The following PAF1 variants were observed in gnomAD, a reference collection of about 807,000 sequenced individuals.
The protein encoded by PAF1 is RNA polymerase II-associated factor 1 homolog.
A neutral mutation model predicts 68.4 loss-of-function variants in PAF1; 31 were observed. The observed-to-expected ratio is 0.45, with a 90% CI of 0.34 to 0.61. The LOEUF (loss-of-function observed/expected upper bound fraction) is 0.61, where lower values mean the gene tolerates loss of function less well. Among genes scored for constraint, PAF1 ranks in the 20% least tolerant of loss-of-function variants. The pLI is 0.01. For missense variants in PAF1, 435 were observed against 692.9 expected, an observed-to-expected ratio of 0.63 and a Z score of 4.18; for synonymous variants, 256 against 240.5, an observed-to-expected ratio of 1.06 and a Z score of -0.60.
In PAF1 at chr19:39,389,102, G is replaced by A. The variant is rs989398073; in HGVS notation, c.558C>T (p.Ala186=). The A allele has an allele frequency of 5.6e-6, 9 of 1,613,716 alleles. No individual in the cohort carries two copies. The highest frequency in any genetic ancestry group is 7.6e-6 in the Non-Finnish European group (9 of 1,179,714). The change falls in exon 7 of 14, where the codon GCC becomes GCT. Residue 186 remains alanine (A), a synonymous_variant. Transcript: ENST00000221265. This position sits in a 1 kb window ranked among gnomAD's most constrained non-coding sequence, Gnocchi z 5.3. The part of the protein sequence containing the change: ...ITAIEKTFED[A]QKSISQHYSK... ...CCAGTCCCTCAATTACTGATTTCTG[G>A]GCATCCTCAAAAGTCTTCTCAATGG...
chr19:39,386,405 T>C lies in PAF1; in HGVS notation c.1184-2A>G. ...TGCTGCCCTTCTCCTGCTCCTCATC[T>C]GGAAGGGAGTGGAGAGAGATGAAAC... On this transcript the variant is annotated splice_acceptor_variant, in intron 13 of 13. Transcript: ENST00000221265. LOFTEE classifies it high-confidence loss of function. The surrounding 1 kb of genome is among the most constrained non-coding windows in gnomAD (Gnocchi z 6.1). The C allele has an allele frequency of 6.2e-7, 1 of 1,614,130 alleles. No individual in the cohort carries two copies. Among genetic ancestry groups the C allele is most frequent in the Non-Finnish European group, 8.5e-7 (1 of 1,179,982 alleles).
At position 39,386,284 on chromosome 19, in the gene PAF1, C is replaced by T. The variant is rs1359681819; in HGVS notation, c.1303G>A (p.Gly435Ser). ...TCATCCTCGCTGCTCTCGTCCTCAC[C>T]ACTGCCACTCTTGTCACTGGCCTCG... Reference protein sequence around the residue: ...RDEASDKSGSGEDESSEDEAR... With the variant: ...RDEASDKSGSSEDESSEDEAR... Residue 435 changes from glycine to serine, a missense_variant, in exon 14 of 14, where the codon GGT (glycine) becomes AGT (serine). Gly to Ser is a moderately conservative substitution (Grantham distance 56). Transcript: ENST00000221265. This position sits in a 1 kb window ranked among gnomAD's most constrained non-coding sequence, Gnocchi z 6.1. The T allele has an allele frequency of 1.9e-6, 3 of 1,614,190 alleles. No homozygotes were observed. The highest frequency in any genetic ancestry group is 2.5e-6 in the Non-Finnish European group (3 of 1,180,032).
intron 11 of PAF1, among the ~76,000 whole-genome samples, chr19:39,387,545 T>C (rs1052496075): frequency 3.3e-5 from 5 of 152,194 alleles, no homozygotes; most frequent in Non-Finnish European, 7.3e-5. Context: ...CCACTGCTCT[T>C]TTACATTTCC....
In PAF1 at chr19:39,386,690, T is replaced by G; in HGVS notation, c.1092+4A>C. ...GGGTGCCCTGAGCCAGTGGTGCTTG[T>G]TACCTGAGCTTCCAGTTCCTTCTCA... On this transcript the variant is annotated splice_donor_region_variant and intron_variant, in intron 12 of 13. Transcript: ENST00000221265. The surrounding 1 kb of genome is among the most constrained non-coding windows in gnomAD (Gnocchi z 6.1). 6.2e-7 allele frequency: 1 copy of G among 1,611,614 alleles called. No homozygotes were observed. Among genetic ancestry groups the G allele is most frequent in the Non-Finnish European group, 8.5e-7 (1 of 1,177,696 alleles).
chr19:39,391,048 G>A lies in PAF1; in HGVS notation c.-184C>T. On this transcript the variant is annotated 5_prime_UTR_variant, in exon 1 of 14. Coordinates refer to ENST00000221265, the MANE Select transcript of PAF1 (RefSeq NM_019088.4). ...GCTCCAGCGAGACTCAGGTGAACGC[G>A]CAGGCAGCACCGGGGACGGACTCGA... The A allele has an allele frequency of 1.5e-6, 1 of 645,930 alleles. No individual in the cohort carries two copies. Among genetic ancestry groups the A allele is most frequent in the Non-Finnish European group, 2.6e-6 (1 of 379,590 alleles). 40.0% of individuals were successfully genotyped at this position (645,930 alleles called of 1,614,324 possible).
In PAF1 at chr19:39,385,644, C is replaced by T; in HGVS notation, c.*347G>A. On this transcript the variant is annotated 3_prime_UTR_variant, in exon 14 of 14. Coordinates refer to ENST00000221265, the MANE Select transcript of PAF1 (RefSeq NM_019088.4). Reference sequence around the variant, plus strand: ...AGAAGACTTATTTGTTGGAGTTTCACTTGTTTAATGGTCTGGGCTTATTTT... The same window carrying T: ...AGAAGACTTATTTGTTGGAGTTTCATTTGTTTAATGGTCTGGGCTTATTTT... 1 of 509,898 alleles carries T rather than the reference C, an allele frequency of 2.0e-6. No homozygotes were observed. The highest frequency in any genetic ancestry group is 3.4e-6 in the Non-Finnish European group (1 of 291,858). The allele number at this position is 509,898 out of a possible 1,614,324, so 31.6% of individuals were successfully genotyped here.
Position 39,385,688 on chromosome 19 carries a change from CA to C in PAF1, c.*302del, listed in dbSNP as rs200770096. On this transcript the variant is annotated 3_prime_UTR_variant, in exon 14 of 14. Coordinates refer to ENST00000221265, the MANE Select transcript of PAF1 (RefSeq NM_019088.4). ...TTATTTTGGAAAAAAAAAAAACAAA[CA>C]AAAAAAACGAATTCTGACCTTCGTT... 2 of 515,878 alleles carry C rather than the reference CA, an allele frequency of 3.9e-6. No individual in the cohort carries two copies. 32.0% of individuals were successfully genotyped at this position (515,878 alleles called of 1,614,324 possible).
In PAF1 at chr19:39,388,616, C is replaced by T. The variant is rs143167089; in HGVS notation, c.801G>A (p.Thr267=). ...FVAYFLPVEE[T]LKKRKRDQEE... ...CCTGGTCCCGCTTTCGTTTCTTCAA[C>T]GTCTCTTCTACAGGCAGGAAATAGG... is the stretch of plus-strand genomic sequence containing the variant. The change falls in exon 10 of 14, where the codon ACG becomes ACA. Residue 267 remains threonine (T), a synonymous_variant. Coordinates refer to ENST00000221265, the MANE Select transcript of PAF1 (RefSeq NM_019088.4). The T allele has an allele frequency of 1.5e-5, 25 of 1,614,044 alleles. No homozygotes were observed. Among genetic ancestry groups the T allele is most frequent in the African/African-American group, 8.0e-5 (6 of 74,934 alleles).
intron 3 of PAF1, 44 bp downstream of exon 3, chr19:39,390,025 C>T (rs1046865938): frequency 6.7e-7 from 1 of 1,483,584 alleles, no homozygotes; most frequent in Non-Finnish European, 9.4e-7. Context: ...TCCCTGCCTT[C>T]AAGGAACTCA....
In PAF1 at chr19:39,389,320, G is replaced by A. The variant is rs1343733429; in HGVS notation, c.423C>T (p.Phe141=). ...MRKTEYISTE[F]NRYGISNEKP... ...TCTCATTGGAGATGCCATAACGGTT[G>A]AACTCAGTGGAGATGTACTCTGTCT... The change falls in exon 6 of 14, where the codon TTC becomes TTT. Residue 141 remains phenylalanine, a synonymous_variant. Coordinates refer to ENST00000221265, the MANE Select transcript of PAF1 (RefSeq NM_019088.4). This position sits in a 1 kb window ranked among gnomAD's most constrained non-coding sequence, Gnocchi z 5.3. 2 of 1,614,156 alleles carry A rather than the reference G, an allele frequency of 1.2e-6. No homozygotes were observed. The highest frequency in any genetic ancestry group is 2.2e-5 in the East Asian group (1 of 44,890).
At chr19:39,390,194 C>T (rs765236479) in intron 2 of PAF1, 33 bp from the exon 3 acceptor site, 3 of 1,611,652 alleles carry the variant, frequency 1.9e-6, no homozygotes, top group East Asian at 4.5e-5. Flanking sequence ...AGTGGGCCCC[C>T]GCTGCCCCAC....
intron 1 of PAF1, 80 bp downstream of exon 1, chr19:39,390,738 C>T (rs2078362089): frequency 2.1e-6 from 3 of 1,446,974 alleles, no homozygotes; most frequent in Non-Finnish European, 2.9e-6. Context: ...CACGGGCAGA[C>T]CTGGGGGCTG....
At position 39,388,582 on chromosome 19, in the gene PAF1, T is replaced by C. The variant is rs1220461541; in HGVS notation, c.835A>G (p.Met279Val). The C allele has an allele frequency of 6.2e-7, 1 of 1,613,918 alleles. No individual in the cohort carries two copies. The highest frequency in any genetic ancestry group is 2.2e-5 in the East Asian group (1 of 44,894). The change falls in exon 10 of 14, where the codon ATG becomes GTG. Residue 279 changes from methionine to valine, a missense_variant. Met to Val is a conservative substitution (Grantham distance 21). This residue lies in a region of PAF1 where 151 missense variants were observed against 306.3 expected (regional missense o/e 0.49). Coordinates refer to ENST00000221265, the MANE Select transcript of PAF1 (RefSeq NM_019088.4). ...CACACATCATCTGGTGCATAGTCCA[T>C]CTCCTCCTCCTGGTCCCGCTTTCGT... ...KKRKRDQEEE[M>V]DYAPDDVYDY...
At chr19:39,387,808 C>G (rs919367527) in intron 11 of PAF1, among the ~76,000 whole-genome samples, 1 of 152,212 alleles carries the variant, frequency 6.6e-6, no homozygotes, top group African/African-American at 2.4e-5. Context: ...AAACTTGGCC[C>G]TCTGCCTTGC....
At position 39,385,742 on chromosome 19, in the gene PAF1, C is replaced by T; in HGVS notation, c.*249G>A. On this transcript the variant is annotated 3_prime_UTR_variant, in exon 14 of 14. Transcript: ENST00000221265. The stretch of plus-strand genomic sequence containing the variant: ...GCTACATTTTGTGGGAAACCATTGG[C>T]CCTGCCTCTGGCCTGTGTTTCTAAG... 1.7e-6 allele frequency: 1 copy of T among 580,880 alleles called. No homozygotes were observed. The highest frequency in any genetic ancestry group is 3.0e-6 in the Non-Finnish European group (1 of 332,240). 36.0% of individuals were successfully genotyped at this position (580,880 alleles called of 1,614,324 possible). A position where few individuals can be genotyped will look rare whatever the true frequency, so the allele number is the denominator to read the frequency against.
rs1471301333 is a variant in PAF1 at position 39,389,043 on chromosome 19, G to A, written c.568-28C>T. ...GGTGGAACAAAAACAAGGTGAGGAG[G>A]AGCTCTGCAGCCGCACCCTTGCCTC... is the stretch of plus-strand genomic sequence containing the variant. On this transcript the variant is annotated intron_variant, in intron 7 of 13. Coordinates refer to ENST00000221265, the MANE Select transcript of PAF1 (RefSeq NM_019088.4). This position sits in a 1 kb window ranked among gnomAD's most constrained non-coding sequence, Gnocchi z 5.3. 1 of 1,613,370 alleles carries A rather than the reference G, an allele frequency of 6.2e-7. No individual in the cohort carries two copies. Among genetic ancestry groups the A allele is most frequent in the Admixed American group, 1.7e-5 (1 of 60,006 alleles).
At position 39,389,629 on chromosome 19, in the gene PAF1, TC is replaced by T; in HGVS notation, c.292+10del. On this transcript the variant is annotated intron_variant, in intron 4 of 13. Transcript: ENST00000221265. This position sits in a 1 kb window ranked among gnomAD's most constrained non-coding sequence, Gnocchi z 5.3. Reference sequence around the variant, plus strand: ...TGACCTAGAGCAGACCCTCCCTGTCTCCCCACACACCATTGGGGTCGATGCG... The same window carrying T: ...TGACCTAGAGCAGACCCTCCCTGTCTCCCACACACCATTGGGGTCGATGCG... 4 of 1,614,178 alleles carry T rather than the reference TC, an allele frequency of 2.5e-6. No homozygotes were observed. Among genetic ancestry groups the T allele is most frequent in the Non-Finnish European group, 3.4e-6 (4 of 1,180,032 alleles).
rs1293789453 is a variant in PAF1, at chr19:39,386,978, AAAGG to A, written c.987-183_987-180del. On this transcript the variant is annotated intron_variant, in intron 11 of 13. Coordinates refer to ENST00000221265, the MANE Select transcript of PAF1 (RefSeq NM_019088.4). The surrounding 1 kb of genome is among the most constrained non-coding windows in gnomAD (Gnocchi z 6.1). ...AAGCTCAAGGTATTGAGGGCAGGGGAAAGGAAGGATGGCTCCCATGGCACCAGTT... is the reference window on the plus strand; with the variant it reads ...AAGCTCAAGGTATTGAGGGCAGGGGAAAGGATGGCTCCCATGGCACCAGTT... Among the ~76,000 whole-genome samples the A allele has an allele frequency of 6.6e-6, 1 of 152,206 alleles. No homozygotes were observed. The highest frequency in any genetic ancestry group is 1.5e-5 in the Non-Finnish European group (1 of 68,030).
In PAF1 at chr19:39,385,891, G is replaced by A. The variant is rs968064634; in HGVS notation, c.*100C>T. 2.0e-6 allele frequency: 3 copies of A among 1,520,334 alleles called. No individual in the cohort carries two copies. The highest frequency in any genetic ancestry group is 8.8e-7 in the Non-Finnish European group (1 of 1,132,996). The allele number at this position is 1,520,334 out of a possible 1,614,324, so 94.2% of individuals were successfully genotyped here. A position where few individuals can be genotyped will look rare whatever the true frequency, so the allele number is the denominator to read the frequency against. Reference sequence around the variant, plus strand: ...CTTTATTAACAGCAAAGGTTTGGGGGTGGGGAACAAACAAGTGAAAGGCTC... The same window carrying A: ...CTTTATTAACAGCAAAGGTTTGGGGATGGGGAACAAACAAGTGAAAGGCTC... On this transcript the variant is annotated 3_prime_UTR_variant, in exon 14 of 14. Coordinates refer to ENST00000221265, the MANE Select transcript of PAF1 (RefSeq NM_019088.4).
Sources: allele counts gnomAD v4.1 joint callset (sites outside exome capture counted in the v4.1 genomes callset), GRCh38; gene constraint gnomAD v4.1.1; regional missense constraint gnomAD v4.1.1; non-coding constraint Gnocchi (gnomAD v3.1); transcripts MANE v1.5; gene names NCBI Gene and HGNC (gene_info 2026-07-23, HGNC 2026-07-21).